The following PAX5 variants were observed in gnomAD, a reference collection of about 807,000 sequenced individuals.
PAX5 encodes the protein paired box 5.
A neutral mutation model predicts 43.7 loss-of-function variants in PAX5; 9 were observed. The observed-to-expected ratio is 0.21, with a 90% CI of 0.12 to 0.36. The LOEUF is 0.36. Ranked by LOEUF, PAX5 falls within the 10% of genes least tolerant of loss-of-function variation. The pLI is 1.00. For missense variants in PAX5, 383 were observed against 532.7 expected, an observed-to-expected ratio of 0.72 and a Z score of 2.77; for synonymous variants, 228 against 214.3, an observed-to-expected ratio of 1.06 and a Z score of -0.56.
At chr9:36,877,535 C>A (rs1041171976) in intron 8 of PAX5, among the ~76,000 whole-genome samples, 1 of 152,156 alleles carries the variant, frequency 6.6e-6, no homozygotes, top group African/African-American at 2.4e-5. Context: ...CTCAGAGAGA[C>A]AAAAGCAAGA....
chr9:36,936,188 T>C (rs1359525548), intron 6 of PAX5, among the ~76,000 whole-genome samples: 4 of 152,232 alleles, frequency 2.6e-5, no homozygotes, highest in Admixed American at 2.6e-4. Context: ...GCTCCACTTC[T>C]GGAGAATGAG....
At chr9:36,941,952 C>T (rs1200925166) in intron 6 of PAX5, among the ~76,000 whole-genome samples, 5 of 152,250 alleles carry the variant, frequency 3.3e-5, no homozygotes, top group Non-Finnish European at 5.9e-5. Context: ...CTTGAACTCA[C>T]TTCTGCTTCC....
chr9:36,906,888 G>A (rs1383939779), intron 7 of PAX5, among the ~76,000 whole-genome samples: 2 of 135,380 alleles, frequency 1.5e-5, no homozygotes, highest in Non-Finnish European at 3.1e-5. Flanking sequence ...AGACTGAGGT[G>A]TGCACACATA....
chr9:37,014,042 T>C (rs1397387196), intron 3 of PAX5, among the ~76,000 whole-genome samples: 6 of 152,204 alleles, frequency 3.9e-5, no homozygotes, highest in African/African-American at 1.4e-4. Context: ...AAATGGAAAC[T>C]GTCCAAGTTT....
In PAX5 at chr9:37,006,497, C is replaced by T. The variant is rs115889954; in HGVS notation, c.451G>A (p.Val151Ile). The change falls in exon 4 of 10, where the codon GTC (valine) becomes ATC (isoleucine). Residue 151 changes from valine (V) to isoleucine (I), a missense_variant. Transcript: ENST00000358127. ...CCTATGCTGTGACTGGAAGCTGGGA[C>T]TGGTTGGTTGGGTGGCTGCTGTACT... The part of the protein sequence containing the change: ...TKVQQPPNQP[V>I]PASSHSIVST... 3,304 of 1,614,058 alleles carry T rather than the reference C, an allele frequency of 2.0e-3. 55 individuals are homozygous for T. In the African/African-American group the frequency reaches 0.037, roughly 18 times the overall value.
chr9:37,015,197 A>G lies in PAX5; in HGVS notation c.213-3T>C, dbSNP rs1839288738. Reference sequence around the variant, plus strand: ...TGATGCTTCCTGTCTCATAATACCTAGGACCCAAAGAGAAAGAAGCTTAGC... The same window carrying G: ...TGATGCTTCCTGTCTCATAATACCTGGGACCCAAAGAGAAAGAAGCTTAGC... On this transcript the variant is annotated splice_polypyrimidine_tract_variant and splice_region_variant and intron_variant, in intron 2 of 9. Transcript: ENST00000358127. The surrounding 1 kb of genome is among the most constrained non-coding windows in gnomAD (Gnocchi z 4.4). 2.5e-6 allele frequency: 4 copies of G among 1,613,282 alleles called. No individual in the cohort carries two copies. Among genetic ancestry groups the G allele is most frequent in the Non-Finnish European group, 3.4e-6 (4 of 1,179,298 alleles).
At chr9:37,014,060 G>C (rs534284323) in intron 3 of PAX5, among the ~76,000 whole-genome samples, 15 of 152,274 alleles carry the variant, frequency 9.9e-5, no homozygotes, top group African/African-American at 3.6e-4. Context: ...TTTTCAGGCT[G>C]CTCCCTTCTC....
intron 8 of PAX5, among the ~76,000 whole-genome samples, chr9:36,848,345 C>T (rs997860757): frequency 6.7e-6 from 1 of 149,586 alleles, no homozygotes; most frequent in East Asian, 2.0e-4. Context: ...ACAGGCAGAG[C>T]GTGTCCACAC....
chr9:36,913,523 C>T (rs954588899), intron 7 of PAX5, among the ~76,000 whole-genome samples: 15 of 152,340 alleles, frequency 9.8e-5, no homozygotes, highest in African/African-American at 3.6e-4. Flanking sequence ...CATCAGCAGG[C>T]CTGTGGCCCA....
intron 5 of PAX5, among the ~76,000 whole-genome samples, chr9:36,993,486 GA>G (rs11359001): frequency 0.46 from 70,505 of 151,868 alleles, 16,765 homozygotes; most frequent in East Asian, 0.67. Flanking sequence ...TTTGGTGCCA[GA>G]AAAAAACCTC....
chr9:36,839,374 G>C lies in PAX5; in HGVS notation c.*1186C>G. 4.3e-6 allele frequency: 1 copy of C among 233,620 alleles called. No homozygotes were observed. The highest frequency in any genetic ancestry group is 6.0e-5 in the East Asian group (1 of 16,548). 14.5% of individuals were successfully genotyped at this position (233,620 alleles called of 1,614,324 possible). On this transcript the variant is annotated 3_prime_UTR_variant, in exon 10 of 10. Coordinates refer to ENST00000358127, the MANE Select transcript of PAX5 (RefSeq NM_016734.3). Reference sequence around the variant, plus strand: ...AAATTAGGCATCTGCCCCAGCCCCAGCACCTCCATGCCCAGCTGCCTGCTA... The same window carrying C: ...AAATTAGGCATCTGCCCCAGCCCCACCACCTCCATGCCCAGCTGCCTGCTA...
chr9:36,916,788 G>C (rs1392742656), intron 7 of PAX5, among the ~76,000 whole-genome samples: 1 of 152,046 alleles, frequency 6.6e-6, no homozygotes, highest in African/African-American at 2.4e-5. Flanking sequence ...AGGTTCAAGT[G>C]GTTCTTGTGC....
At chr9:36,898,539 G>A (rs1016225506) in intron 7 of PAX5, among the ~76,000 whole-genome samples, 8 of 152,186 alleles carry the variant, frequency 5.3e-5, no homozygotes, top group African/African-American at 1.9e-4. Flanking sequence ...AAGCTCACCG[G>A]GCAGGAGGAC....
At chr9:37,030,301 C>A (rs1010022418) in intron 1 of PAX5, among the ~76,000 whole-genome samples, 4 of 152,196 alleles carry the variant, frequency 2.6e-5, no homozygotes, top group African/African-American at 9.7e-5. Flanking sequence ...AAGGCGCGAC[C>A]GGACCTCATA....
At chr9:36,968,041 C>T (rs146433029) in intron 5 of PAX5, among the ~76,000 whole-genome samples, 139 of 152,294 alleles carry the variant, frequency 9.1e-4, no homozygotes, top group Non-Finnish European at 2.6e-4. Context: ...GAAATGGCCT[C>T]GGGGGTACAT....
At chr9:37,007,934 T>C (rs7856639) in intron 3 of PAX5, 104,002 of 152,160 alleles carry the variant, frequency 0.68, 36,532 homozygotes, top group Middle Eastern at 0.85. Flanking sequence ...GGCTGGAGTA[T>C]AGTGGTGCGA....
chr9:36,936,953 C>T (rs567551283), intron 6 of PAX5, among the ~76,000 whole-genome samples: 27 of 152,200 alleles, frequency 1.8e-4, no homozygotes, highest in Non-Finnish European at 3.8e-4. Flanking sequence ...TCTGCAAAGG[C>T]ATACCCAGCC....
In PAX5 at chr9:36,840,239, G is replaced by A; in HGVS notation, c.*321C>T. 2.0e-6 allele frequency: 1 copy of A among 511,396 alleles called. No individual in the cohort carries two copies. The highest frequency in any genetic ancestry group is 3.5e-6 in the Non-Finnish European group (1 of 285,420). The allele number at this position is 511,396 out of a possible 1,614,324, so 31.7% of individuals were successfully genotyped here. A position where few individuals can be genotyped will look rare whatever the true frequency, so the allele number is the denominator to read the frequency against. On this transcript the variant is annotated 3_prime_UTR_variant, in exon 10 of 10. Coordinates refer to ENST00000358127, the MANE Select transcript of PAX5 (RefSeq NM_016734.3). ...CAGGCTGGGGTGGTTATGATGGATGGATAGTCAGACAGCTGGAGGACAGGC... is the reference window on the plus strand; with the variant it reads ...CAGGCTGGGGTGGTTATGATGGATGAATAGTCAGACAGCTGGAGGACAGGC...
chr9:36,939,335 C>G (rs1002516037), intron 6 of PAX5, among the ~76,000 whole-genome samples: 2 of 152,166 alleles, frequency 1.3e-5, no homozygotes, highest in African/African-American at 4.8e-5. Context: ...CCCCCACCCC[C>G]AGTCAAGCAT....
Sources: gnomAD v4.1 joint callset for allele counts (sites outside exome capture counted in the v4.1 genomes callset) on GRCh38, gnomAD v4.1.1 for gene constraint, Gnocchi (gnomAD v3.1) non-coding constraint, MANE v1.5 for transcripts, NCBI Gene and HGNC (gene_info 2026-07-23, HGNC 2026-07-21) for gene names.